Variants in NAV2 observed in about 807,000 individuals in gnomAD.
NAV2 encodes the protein helicase, APC down-regulated 1.
Under a neutral mutation model 223.2 loss-of-function variants are expected in NAV2, and 54 were observed. That is an observed-to-expected ratio of 0.24 (90% CI 0.19 to 0.30). The LOEUF is 0.30. NAV2 is among the 10% of genes least tolerant of loss of function. NAV2 has a pLI of 1.00. For missense variants in NAV2, 2,806 were observed against 3,147.5 expected (o/e 0.89, Z 2.60); for synonymous variants, 1,279 against 1,239.3 (o/e 1.03, Z -0.67).
intron 1 of NAV2, among the ~76,000 whole-genome samples, chr11:19,387,843 T>C (rs536889111): frequency 6.6e-6 from 1 of 152,324 alleles, no homozygotes; most frequent in African/African-American, 2.4e-5. Flanking sequence ...AAAAGCATAA[T>C]GGAGAGGAAA....
intron 11 of NAV2, among the ~76,000 whole-genome samples, chr11:20,014,989 G>C (rs537529034): frequency 6.6e-6 from 1 of 152,164 alleles, no homozygotes; most frequent in Non-Finnish European, 1.5e-5. Context: ...CCAGCTACTG[G>C]GGAGGCTGAG....
intron 11 of NAV2, among the ~76,000 whole-genome samples, chr11:20,034,772 G>A (rs142391017): frequency 1.1e-3 from 168 of 152,320 alleles, no homozygotes; most frequent in African/African-American, 3.8e-3. Context: ...ACGTGACAGA[G>A]TGTGACAGGC....
At chr11:19,728,070 T>C (rs570803956) in intron 1 of NAV2, among the ~76,000 whole-genome samples, 1 of 152,274 alleles carries the variant, frequency 6.6e-6, no homozygotes, top group East Asian at 1.9e-4. Flanking sequence ...TGAGAGATGA[T>C]GTTTTGGCAC....
chr11:19,374,757 A>G (rs1250324538), intron 1 of NAV2, among the ~76,000 whole-genome samples: 18 of 152,210 alleles, frequency 1.2e-4, no homozygotes, highest in Admixed American at 1.2e-3. Flanking sequence ...CATTCAGGGC[A>G]TATAACGTTC....
chr11:19,462,833 C>T (rs575553769), intron 1 of NAV2, among the ~76,000 whole-genome samples: 3 of 152,290 alleles, frequency 2.0e-5, no homozygotes, highest in South Asian at 2.1e-4. Context: ...TTGATACGTG[C>T]GTGCTAGGGT....
intron 6 of NAV2, among the ~76,000 whole-genome samples, chr11:19,902,592 G>A (rs573728600): frequency 2.6e-5 from 4 of 152,164 alleles, no homozygotes; most frequent in Non-Finnish European, 4.4e-5. Flanking sequence ...ATGTTCATCC[G>A]ATCTTCAGAT....
chr11:19,852,209 C>CAATA (rs2061183747), intron 3 of NAV2, among the ~76,000 whole-genome samples: 1 of 152,186 alleles, frequency 6.6e-6, no homozygotes, highest in African/African-American at 2.4e-5. Context: ...GTTGCAGCAG[C>CAATA]AATAGGAAAC....
At chr11:19,714,256 T>C in intron 1 of NAV2, 1 of 631,786 alleles carries the variant, frequency 1.6e-6, no homozygotes, top group Middle Eastern at 2.5e-4. Flanking sequence ...AAAAAACGTG[T>C]GCATCGCTGG....
At chr11:19,600,534 A>G (rs950738595) in intron 1 of NAV2, among the ~76,000 whole-genome samples, 1 of 152,228 alleles carries the variant, frequency 6.6e-6, no homozygotes, top group Non-Finnish European at 1.5e-5. Flanking sequence ...GGCTGCTGTC[A>G]TCATCTACAG....
At chr11:19,556,083 TC>T (rs983280826) in intron 1 of NAV2, among the ~76,000 whole-genome samples, 3 of 152,044 alleles carry the variant, frequency 2.0e-5, no homozygotes, top group Non-Finnish European at 4.4e-5. Context: ...TGCTTGCAGC[TC>T]CCCGGGGACC....
intron 1 of NAV2, among the ~76,000 whole-genome samples, chr11:19,633,750 G>A (rs1248218886): frequency 2.0e-5 from 3 of 152,230 alleles, no homozygotes; most frequent in Non-Finnish European, 4.4e-5. Context: ...GTGTCATGGA[G>A]AAATGGGGCA....
At chr11:19,476,899 A>G (rs540389535) in intron 1 of NAV2, among the ~76,000 whole-genome samples, 41 of 152,212 alleles carry the variant, frequency 2.7e-4, no homozygotes, top group African/African-American at 9.4e-4. Flanking sequence ...CAGCAGCCCC[A>G]GTTTCTACCA....
intron 1 of NAV2, among the ~76,000 whole-genome samples, chr11:19,442,340 A>G (rs958799000): frequency 2.0e-5 from 3 of 152,190 alleles, no homozygotes; most frequent in African/African-American, 4.8e-5. Flanking sequence ...TCCCGCTCCT[A>G]TCTGGTTTTT....
chr11:20,045,456 C>T lies in NAV2; in HGVS notation c.3688C>T (p.Leu1230=), dbSNP rs2057336163. Residue 1230 remains leucine, a synonymous_variant, in exon 14 of 38, where the codon CTG becomes TTG. Transcript: ENST00000349880. ...SKSAGLPVPK[L]REPSKTALGS... ...GTCCGCAGGCCTGCCAGTGCCCAAA[C>T]TGAGGGAGCCTTCCAAAACAGCCCT... 1 of 1,614,060 alleles carries T rather than the reference C, an allele frequency of 6.2e-7. No homozygotes were observed. Among genetic ancestry groups the T allele is most frequent in the African/African-American group, 1.3e-5 (1 of 74,912 alleles).
intron 10 of NAV2, among the ~76,000 whole-genome samples, chr11:19,959,701 C>T (rs892084612): frequency 2.6e-5 from 4 of 152,192 alleles, no homozygotes; most frequent in Non-Finnish European, 2.9e-5. Context: ...CATGACTCCT[C>T]CCCAAGCCCC....
At chr11:20,094,436 G>C (rs927719072) in intron 29 of NAV2, among the ~76,000 whole-genome samples, 3 of 151,816 alleles carry the variant, frequency 2.0e-5, no homozygotes, top group African/African-American at 7.3e-5. Context: ...CACCATATTG[G>C]CCAGGCTGGT....
At position 20,118,373 on chromosome 11, in the gene NAV2, C is replaced by G; in HGVS notation, c.*115C>G. On this transcript the variant is annotated 3_prime_UTR_variant, in exon 38 of 38. Transcript: ENST00000349880. ...GCCCCCAGCCACAGCCTTAGAGCTG[C>G]GGGAACACCGAGACCCCCCGTCCTT... The G allele has an allele frequency of 8.0e-7, 1 of 1,245,758 alleles. No homozygotes were observed. The highest frequency in any genetic ancestry group is 1.1e-6 in the Non-Finnish European group (1 of 891,504). The allele number at this position is 1,245,758 out of a possible 1,614,324, so 77.2% of individuals were successfully genotyped here.
chr11:19,762,146 G>A (rs960701219), intron 1 of NAV2, among the ~76,000 whole-genome samples: 1 of 152,224 alleles, frequency 6.6e-6, no homozygotes, highest in African/African-American at 2.4e-5. Flanking sequence ...AGGAGGCTGA[G>A]GCAGGAGAAT....
chr11:19,385,992 C>T (rs7928143), intron 1 of NAV2, among the ~76,000 whole-genome samples: 29,218 of 151,946 alleles, frequency 0.19, 2,877 homozygotes, highest in East Asian at 0.38. Flanking sequence ...TCTTGATCTC[C>T]TGACCTCATG....
Sources: gnomAD v4.1 joint callset for allele counts (sites outside exome capture counted in the v4.1 genomes callset) on GRCh38, gnomAD v4.1.1 for gene constraint, MANE v1.5 for transcripts, NCBI Gene and HGNC (gene_info 2026-07-23, HGNC 2026-07-21) for gene names.